The following TBC1D4 variants were observed in gnomAD, a reference collection of about 807,000 sequenced individuals.
TBC1D4 encodes the protein TBC (Tre-2, BUB2, CDC16) domain-containing protein.
In TBC1D4, 121 loss-of-function variants were observed where a neutral mutation model predicts 142.5. The observed-to-expected ratio is 0.85, with a 90% CI of 0.73 to 0.99. The LOEUF is 0.99. TBC1D4 is among the 50% of genes least tolerant of loss of function. The pLI, the probability that TBC1D4 is intolerant of heterozygous loss-of-function variation, is 0.00. For missense variants in TBC1D4, 1,475 were observed against 1,606.6 expected, an observed-to-expected ratio of 0.92 and a Z score of 1.40; for synonymous variants, 630 against 628.2, an observed-to-expected ratio of 1.00 and a Z score of -0.04.
chr13:75,424,656 A>G (rs80270982), intron 1 of TBC1D4, among the ~76,000 whole-genome samples: 1,837 of 152,328 alleles, frequency 0.012, 37 homozygotes, highest in African/African-American at 0.042. Flanking sequence ...GTACTAGCAT[A>G]AAAGCATACA....
chr13:75,409,539 A>C (rs1339833977), intron 1 of TBC1D4, among the ~76,000 whole-genome samples: 1 of 152,194 alleles, frequency 6.6e-6, no homozygotes, highest in African/African-American at 2.4e-5. Flanking sequence ...ACCCTGGCTA[A>C]CAGATAAATT....
chr13:75,315,387 CATAT>C (rs1165788414), intron 12 of TBC1D4, among the ~76,000 whole-genome samples: 3 of 90,138 alleles, frequency 3.3e-5, no homozygotes, highest in East Asian at 8.1e-4. Flanking sequence ...CACACACACA[CATAT>C]ATATATACAC....
At chr13:75,310,784 C>T (rs567981892) in intron 13 of TBC1D4, among the ~76,000 whole-genome samples, 1 of 152,290 alleles carries the variant, frequency 6.6e-6, no homozygotes, top group South Asian at 2.1e-4. Flanking sequence ...GGTAGTTTTT[C>T]AATCCTCATC....
chr13:75,402,488 C>T (rs1039411426), intron 1 of TBC1D4, among the ~76,000 whole-genome samples: 2 of 152,100 alleles, frequency 1.3e-5, no homozygotes, highest in Non-Finnish European at 2.9e-5. Context: ...CTTCCATTCT[C>T]AGGTAATAGC....
chr13:75,393,684 C>A (rs1884612769), intron 1 of TBC1D4, among the ~76,000 whole-genome samples: 1 of 152,176 alleles, frequency 6.6e-6, no homozygotes, highest in South Asian at 2.1e-4. Context: ...GTAATCCCAG[C>A]ACTTTGGGAG....
chr13:75,470,662 A>G (rs1888359600), intron 1 of TBC1D4, among the ~76,000 whole-genome samples: 1 of 152,170 alleles, frequency 6.6e-6, no homozygotes, highest in Non-Finnish European at 1.5e-5. Context: ...ATTTTGGTAG[A>G]TCAAGCAAAA....
At chr13:75,445,197 T>C (rs1887223512) in intron 1 of TBC1D4, among the ~76,000 whole-genome samples, 1 of 152,248 alleles carries the variant, frequency 6.6e-6, no homozygotes, top group Admixed American at 6.5e-5. Flanking sequence ...TGCTATTTCT[T>C]AGTTTTACAT....
intron 1 of TBC1D4, among the ~76,000 whole-genome samples, chr13:75,439,252 G>A (rs1187951580): frequency 2.6e-5 from 4 of 152,056 alleles, no homozygotes; most frequent in African/African-American, 4.8e-5. Flanking sequence ...ATAACTTCAT[G>A]TATAAAGTTT....
intron 4 of TBC1D4, among the ~76,000 whole-genome samples, chr13:75,350,602 C>G (rs1881515091): frequency 6.6e-6 from 1 of 151,988 alleles, no homozygotes; most frequent in South Asian, 2.1e-4. Flanking sequence ...TTTCATTTGC[C>G]TTGTTAACGC....
chr13:75,433,266 C>T (rs1886663335), intron 1 of TBC1D4, among the ~76,000 whole-genome samples: 1 of 152,170 alleles, frequency 6.6e-6, no homozygotes, highest in Non-Finnish European at 1.5e-5. Context: ...GAGGAAGCTG[C>T]CCTGTCCATT....
At chr13:75,407,868 T>C (rs1467204219) in intron 1 of TBC1D4, among the ~76,000 whole-genome samples, 1 of 137,618 alleles carries the variant, frequency 7.3e-6, no homozygotes, top group Non-Finnish European at 1.6e-5. Flanking sequence ...AGAGAGAAAA[T>C]AGAAAAAAAA....
chr13:75,377,696 T>C (rs888807939), intron 1 of TBC1D4, among the ~76,000 whole-genome samples: 1 of 137,510 alleles, frequency 7.3e-6, no homozygotes, highest in Admixed American at 7.6e-5. Context: ...GTCTTTTAAA[T>C]ATATATTATA....
At chr13:75,432,323 G>A (rs530544256) in intron 1 of TBC1D4, among the ~76,000 whole-genome samples, 8 of 152,294 alleles carry the variant, frequency 5.3e-5, no homozygotes, top group African/African-American at 1.4e-4. Flanking sequence ...CAGGAACCTC[G>A]TGAGACTATG....
chr13:75,292,095 AT>A lies in TBC1D4; in HGVS notation c.3486+6del, dbSNP rs1391663600. On this transcript the variant is annotated splice_donor_region_variant and intron_variant, in intron 19 of 20. Transcript: ENST00000377636. ...GCTATATAATACTATTAGCATTTAA[AT>A]CATACCTGGGTAATAATTTTTTCCA... The A allele has an allele frequency of 6.2e-7, 1 of 1,607,608 alleles. No individual in the cohort carries two copies. The highest frequency in any genetic ancestry group is 1.3e-5 in the African/African-American group (1 of 74,890).
chr13:75,420,606 A>G (rs1340804256), intron 1 of TBC1D4, among the ~76,000 whole-genome samples: 7 of 152,238 alleles, frequency 4.6e-5, no homozygotes, highest in Admixed American at 4.6e-4. Context: ...TGAAGAAGAT[A>G]ATCAGGAGAC....
At chr13:75,435,175 G>T (rs1171468234) in intron 1 of TBC1D4, among the ~76,000 whole-genome samples, 1 of 151,652 alleles carries the variant, frequency 6.6e-6, no homozygotes, top group East Asian at 1.9e-4. Flanking sequence ...ATAAATAAAA[G>T]AGAATGGCAA....
intron 7 of TBC1D4, among the ~76,000 whole-genome samples, chr13:75,339,165 G>A (rs145897220): frequency 1.3e-5 from 2 of 152,310 alleles, no homozygotes; most frequent in African/African-American, 4.8e-5. Context: ...TTAGATGGCA[G>A]GGAAGGGTCG....
chr13:75,408,165 A>G (rs991459425), intron 1 of TBC1D4, among the ~76,000 whole-genome samples: 10 of 152,134 alleles, frequency 6.6e-5, no homozygotes, highest in South Asian at 2.1e-4. Context: ...CTATGTATAG[A>G]TTTAACTATT....
At chr13:75,397,972 G>A (rs1593841315) in intron 1 of TBC1D4, among the ~76,000 whole-genome samples, 1 of 152,302 alleles carries the variant, frequency 6.6e-6, no homozygotes, top group Middle Eastern at 3.4e-3. Context: ...ATATCCAGCA[G>A]CTATAACAAA....
Sources: allele counts gnomAD v4.1 joint callset (sites outside exome capture counted in the v4.1 genomes callset), GRCh38; gene constraint gnomAD v4.1.1; transcripts MANE v1.5; gene names NCBI Gene and HGNC (gene_info 2026-07-23, HGNC 2026-07-21).